PCDHGB7: variants seen among roughly 807,000 people sequenced by gnomAD.
The protein encoded by PCDHGB7 is protocadherin gamma subfamily B, 7.
Under a neutral mutation model 61.4 loss-of-function variants are expected in PCDHGB7, and 37 were observed. That is an observed-to-expected ratio of 0.60 (90% CI 0.46 to 0.79). PCDHGB7 has a LOEUF of 0.79. Among genes scored for constraint, PCDHGB7 ranks in the 30% least tolerant of loss-of-function variants. The pLI is 0.00. For synonymous variants in PCDHGB7, 464 were observed against 503.5 expected, an observed-to-expected ratio of 0.92 and a Z score of 1.05; for missense variants, 1,166 against 1,202.5, an observed-to-expected ratio of 0.97 and a Z score of 0.45.
At chr5:141,467,514 T>C (rs2154569535) in intron 1 of PCDHGB7, among the ~76,000 whole-genome samples, 1 of 152,362 alleles carries the variant, frequency 6.6e-6, no homozygotes, top group South Asian at 2.1e-4. Flanking sequence ...TTGGAGTTTA[T>C]TCTTTTGTGT....
chr5:141,458,506 A>G (rs1443711702), intron 1 of PCDHGB7, among the ~76,000 whole-genome samples: 1 of 150,282 alleles, frequency 6.7e-6, no homozygotes, highest in Non-Finnish European at 1.5e-5. Flanking sequence ...ATACTGTTTG[A>G]CACTTTGTTT....
At chr5:141,507,171 C>T (rs183042063) in intron 3 of PCDHGB7, 3 of 152,462 alleles carry the variant, frequency 2.0e-5, no homozygotes, top group South Asian at 2.1e-4. Context: ...AGGCTGTCCT[C>T]TTCCTCGAGC....
At position 141,418,204 on chromosome 5, in the gene PCDHGB7, T is replaced by G. The variant is rs1456912993; in HGVS notation, c.345T>G (p.Asn115Lys). ...QLEAVVENPL[N>K]IFHVIVVIED... ...AAGCTGTGGTGGAAAATCCTTTAAATATTTTTCATGTCATTGTGGTGATTG... is the reference window on the plus strand; with the variant it reads ...AAGCTGTGGTGGAAAATCCTTTAAAGATTTTTCATGTCATTGTGGTGATTG... Residue 115 changes from asparagine to lysine, a missense_variant, in exon 1 of 4, where the codon AAT becomes AAG. Physicochemically the swap from Asn to Lys is moderately conservative, Grantham distance 94. Transcript: ENST00000398594. The G allele has an allele frequency of 2.5e-6, 4 of 1,614,054 alleles. No homozygotes were observed. The East Asian group carries it at 8.9e-5, about 36-fold the overall frequency.
intron 1 of PCDHGB7, among the ~76,000 whole-genome samples, chr5:141,453,623 T>C (rs1264665094): frequency 1.3e-5 from 2 of 152,238 alleles, no homozygotes; most frequent in Admixed American, 1.3e-4. Flanking sequence ...AAACAAAACC[T>C]ATACATATTT....
chr5:141,459,404 G>C (rs2098967432), intron 1 of PCDHGB7, among the ~76,000 whole-genome samples: 1 of 152,182 alleles, frequency 6.6e-6, no homozygotes, highest in Non-Finnish European at 1.5e-5. Flanking sequence ...GAGCAGTATT[G>C]CATTGTGTGG....
At chr5:141,441,855 G>A in intron 1 of PCDHGB7, 3 of 351,872 alleles carry the variant, frequency 8.5e-6, no homozygotes, top group Admixed American at 4.0e-5. Flanking sequence ...ATATGGTGCT[G>A]CACGCCGCGG....
intron 1 of PCDHGB7, among the ~76,000 whole-genome samples, chr5:141,473,922 A>T (rs1025156251): frequency 2.0e-5 from 3 of 152,182 alleles, no homozygotes; most frequent in South Asian, 2.1e-4. Flanking sequence ...GAAAACTATG[A>T]GCTGGGTGCA....
chr5:141,477,512 A>G lies in PCDHGB7; in HGVS notation c.2416-17295A>G. 1.9e-6 allele frequency: 3 copies of G among 1,614,156 alleles called. No homozygotes were observed. Among genetic ancestry groups the G allele is most frequent in the South Asian group, 2.2e-5 (2 of 91,072 alleles). ...TTCTCAATCTTCCTACGACGTTTAC[A>G]TTGAAGAAAACAACCTCCCCGGGGC... On this transcript the variant is annotated intron_variant, in intron 1 of 3. Transcript: ENST00000398594. This position sits in a 1 kb window ranked among gnomAD's most constrained non-coding sequence, Gnocchi z 4.9.
chr5:141,502,450 C>T (rs184669731), intron 2 of PCDHGB7, among the ~76,000 whole-genome samples: 3 of 152,010 alleles, frequency 2.0e-5, no homozygotes, highest in Admixed American at 1.3e-4. Context: ...AGATTACACA[C>T]CTTGGTAGGA....
At chr5:141,429,577 T>C (rs2097225544) in intron 1 of PCDHGB7, among the ~76,000 whole-genome samples, 2 of 152,230 alleles carry the variant, frequency 1.3e-5, no homozygotes, top group South Asian at 4.1e-4. Context: ...TTACATTTAC[T>C]TTTGATTCTT....
Position 141,511,913 on chromosome 5 carries a change from A to G in PCDHGB7, c.*740A>G, listed in dbSNP as rs1190072814. On this transcript the variant is annotated 3_prime_UTR_variant, in exon 4 of 4. Coordinates refer to ENST00000398594, the MANE Select transcript of PCDHGB7 (RefSeq NM_018927.4). ...CCCCCACCTCCTCCTCAAACAAGAG[A>G]CTCCACTGCATGTTCCAAGACAGTA... is the stretch of plus-strand genomic sequence containing the variant. The G allele has an allele frequency of 6.4e-6, 1 of 156,050 alleles. No individual in the cohort carries two copies. The highest frequency in any genetic ancestry group is 2.4e-5 in the African/African-American group (1 of 41,402). The allele number at this position is 156,050 out of a possible 1,614,324, so 9.7% of individuals were successfully genotyped here.
chr5:141,469,704 C>T (rs1038504640), intron 1 of PCDHGB7, among the ~76,000 whole-genome samples: 9 of 152,340 alleles, frequency 5.9e-5, no homozygotes, highest in African/African-American at 1.9e-4. Flanking sequence ...ACCTAGTAAT[C>T]ACACTATTAG....
chr5:141,421,047 C>G, intron 1 of PCDHGB7: 1 of 552,794 alleles, frequency 1.8e-6, no homozygotes, highest in Middle Eastern at 4.8e-4. Flanking sequence ...CCTCCCCCGC[C>G]TCTACCACAC....
At chr5:141,478,468 C>A (rs2099457906) in intron 1 of PCDHGB7, 2 of 1,613,800 alleles carry the variant, frequency 1.2e-6, no homozygotes, top group Admixed American at 1.7e-5. Flanking sequence ...CACTGGCCAG[C>A]CGCCAGAACA....
intron 1 of PCDHGB7, chr5:141,422,399 T>A: frequency 1.3e-6 from 2 of 1,598,374 alleles, no homozygotes; most frequent in Non-Finnish European, 1.7e-6. Context: ...CCTAACCACC[T>A]GCCTTTTAAA....
At chr5:141,427,986 G>C in intron 1 of PCDHGB7, 1 of 1,598,018 alleles carries the variant, frequency 6.3e-7, no homozygotes, top group East Asian at 2.2e-5. Context: ...GCTGGGGCCC[G>C]ATGGCTCCGC....
intron 1 of PCDHGB7, chr5:141,421,453 T>G: frequency 1.2e-6 from 2 of 1,614,102 alleles, no homozygotes; most frequent in Middle Eastern, 1.6e-4. Context: ...GACACAGCTT[T>G]TCGCTGTGAA....
At chr5:141,438,591 CATAT>C (rs946798767) in intron 1 of PCDHGB7, among the ~76,000 whole-genome samples, 213 of 75,464 alleles carry the variant, frequency 2.8e-3, no homozygotes, top group African/African-American at 5.5e-3. Flanking sequence ...TACATACATA[CATAT>C]ATATATATAT....
intron 1 of PCDHGB7, among the ~76,000 whole-genome samples, chr5:141,469,821 G>A (rs2099212107): frequency 6.6e-6 from 1 of 152,028 alleles, no homozygotes; most frequent in Admixed American, 6.6e-5. Flanking sequence ...TAGAATGGAG[G>A]TCACATAAAA....
Sources: gnomAD v4.1 joint callset for allele counts (sites outside exome capture counted in the v4.1 genomes callset) on GRCh38, gnomAD v4.1.1 for gene constraint, Gnocchi (gnomAD v3.1) non-coding constraint, MANE v1.5 for transcripts, NCBI Gene and HGNC (gene_info 2026-07-23, HGNC 2026-07-21) for gene names.